TM6SF1: variants seen among roughly 807,000 people sequenced by gnomAD.
TM6SF1 encodes transmembrane 6 superfamily member 1.
Under a neutral mutation model 47.1 loss-of-function variants are expected in TM6SF1, and 43 were observed. That is an observed-to-expected ratio of 0.91 (90% CI 0.72 to 1.18). TM6SF1 has a LOEUF of 1.18. TM6SF1 is among the 50% of genes most tolerant of loss of function. The pLI is 0.00. For missense variants in TM6SF1, 390 were observed against 449.0 expected, an observed-to-expected ratio of 0.87 and a Z score of 1.19; for synonymous variants, 177 against 166.3, an observed-to-expected ratio of 1.06 and a Z score of -0.49.
intron 1 of TM6SF1, among the ~76,000 whole-genome samples, chr15:83,108,828 C>G (rs995888682): frequency 6.6e-6 from 1 of 152,236 alleles, no homozygotes; most frequent in African/African-American, 2.4e-5. Flanking sequence ...CCGCCTGATA[C>G]AGGCAGCACC....
chr15:83,109,679 T>C (rs1026952980), intron 1 of TM6SF1, among the ~76,000 whole-genome samples: 1 of 152,144 alleles, frequency 6.6e-6, no homozygotes. Flanking sequence ...TGGCAAAGGC[T>C]CCGGTGCAAG....
intron 4 of TM6SF1, among the ~76,000 whole-genome samples, chr15:83,121,157 G>A (rs571386762): frequency 2.0e-5 from 3 of 151,462 alleles, no homozygotes; most frequent in East Asian, 2.0e-4. Flanking sequence ...TGTAACCTCT[G>A]CCTCCCAGGT....
chr15:83,124,144 T>C (rs1168851461), intron 6 of TM6SF1, among the ~76,000 whole-genome samples: 1 of 152,140 alleles, frequency 6.6e-6, no homozygotes, highest in African/African-American at 2.4e-5. Context: ...TTGAGAAAAT[T>C]TTTAAACATG....
In TM6SF1 at chr15:83,112,864, G is replaced by A. The variant is rs145491081; in HGVS notation, c.160G>A (p.Val54Ile). The change falls in exon 2 of 10, where the codon GTC (valine) becomes ATC (isoleucine). Residue 54 changes from valine to isoleucine, a missense_variant. Coordinates refer to ENST00000322019, the MANE Select transcript of TM6SF1 (RefSeq NM_023003.5). Reference sequence around the variant, plus strand: ...GGTAGCACTGCTGGCTCGTGTCCTCGTCAAAAGAAAACCACCCCGGGACCC... The same window carrying A: ...GGTAGCACTGCTGGCTCGTGTCCTCATCAAAAGAAAACCACCCCGGGACCC... ...FLVALLARVL[V>I]KRKPPRDPLF... is the part of the protein sequence containing the mutation. The A allele has an allele frequency of 1.9e-5, 31 of 1,613,954 alleles. No homozygotes were observed. The highest frequency in any genetic ancestry group is 8.9e-5 in the East Asian group (4 of 44,888).
chr15:83,120,507 C>A (rs1050221038), intron 4 of TM6SF1, among the ~76,000 whole-genome samples: 1 of 152,106 alleles, frequency 6.6e-6, no homozygotes, highest in African/African-American at 2.4e-5. Flanking sequence ...TGCATTCTTG[C>A]CCCATACAAG....
In TM6SF1 at chr15:83,107,892, TGGCCGCAGGG is replaced by T. The variant is rs1842600922; in HGVS notation, c.92+122_92+131del. 3.8e-6 allele frequency: 5 copies of T among 1,320,498 alleles called. 1 individual carries two copies. The highest frequency in any genetic ancestry group is 4.8e-6 in the Non-Finnish European group (5 of 1,033,760). The allele number at this position is 1,320,498 out of a possible 1,614,324, so 81.8% of individuals were successfully genotyped here. A position where few individuals can be genotyped will look rare whatever the true frequency, so the allele number is the denominator to read the frequency against. ...CCGTCCGCCGCGGGACAGAGGTTCG[TGGCCGCAGGG>T]GCTCCCCGCGCCTGGCCAGACTAGG... On this transcript the variant is annotated intron_variant, in intron 1 of 9. Coordinates refer to ENST00000322019, the MANE Select transcript of TM6SF1 (RefSeq NM_023003.5). The surrounding 1 kb of genome is among the most constrained non-coding windows in gnomAD (Gnocchi z 5.6).
chr15:83,127,097 G>A (rs2151376176), intron 8 of TM6SF1, among the ~76,000 whole-genome samples: 1 of 152,180 alleles, frequency 6.6e-6, no homozygotes, highest in South Asian at 2.1e-4. Context: ...AGGAGGCTGA[G>A]GCAGGAGAAT....
rs8041022 is a variant in TM6SF1 at position 83,113,313 on chromosome 15, C to T, written c.196+413C>T. The T allele has an allele frequency of 2.2e-3, 464 of 207,476 alleles. 1 individual carries two copies. The highest frequency in any genetic ancestry group is 9.5e-3 in the African/African-American group (418 of 43,984). 12.9% of individuals were successfully genotyped at this position (207,476 alleles called of 1,614,324 possible). Reference sequence around the variant, plus strand: ...ATGCATGAAGAGGAAAATAATGGAACCTGCCATAGAGACAAGCACCTATAG... The same window carrying T: ...ATGCATGAAGAGGAAAATAATGGAATCTGCCATAGAGACAAGCACCTATAG... On this transcript the variant is annotated intron_variant, in intron 2 of 9. Transcript: ENST00000322019.
Position 83,127,285 on chromosome 15 carries a change from C to T in TM6SF1, c.802-73C>T, listed in dbSNP as rs577289814. ...ATATTTTCAAAGATGAAAATGTTTA[C>T]TTTTTTGTACTTTTTAGTCAGGCCA... On this transcript the variant is annotated intron_variant, in intron 8 of 9. Coordinates refer to ENST00000322019, the MANE Select transcript of TM6SF1 (RefSeq NM_023003.5). 17 of 1,410,012 alleles carry T rather than the reference C, an allele frequency of 1.2e-5. No individual in the cohort carries two copies. In the Admixed American group the frequency reaches 3.0e-4, roughly 25 times the overall value. 87.3% of individuals were successfully genotyped at this position (1,410,012 alleles called of 1,614,324 possible).
intron 5 of TM6SF1, among the ~76,000 whole-genome samples, chr15:83,122,288 A>G (rs1431699078): frequency 6.6e-6 from 1 of 152,182 alleles, no homozygotes; most frequent in Admixed American, 6.5e-5. Context: ...TTATGGCTAT[A>G]TTTAGTGTGC....
In TM6SF1 at chr15:83,119,698, G is replaced by T; in HGVS notation, c.398+17G>T. On this transcript the variant is annotated intron_variant, in intron 4 of 9. Coordinates refer to ENST00000322019, the MANE Select transcript of TM6SF1 (RefSeq NM_023003.5). ...AGCATGGGAGTAAGTCAGTTCACCT[G>T]GTGTGTGCCTTTGCCACCTTAGCAA... 1 of 1,613,656 alleles carries T rather than the reference G, an allele frequency of 6.2e-7. No individual in the cohort carries two copies. The highest frequency in any genetic ancestry group is 8.5e-7 in the Non-Finnish European group (1 of 1,179,800).
chr15:83,124,238 T>C (rs1217968915), intron 6 of TM6SF1, among the ~76,000 whole-genome samples: 1 of 152,212 alleles, frequency 6.6e-6, no homozygotes, highest in Non-Finnish European at 1.5e-5. Context: ...TAATTTTATA[T>C]ATAAAATTGT....
chr15:83,119,139 G>A (rs2151354870), intron 3 of TM6SF1, among the ~76,000 whole-genome samples: 1 of 152,246 alleles, frequency 6.6e-6, no homozygotes, highest in East Asian at 1.9e-4. Flanking sequence ...GCCATGCCCA[G>A]CCCAGCAAGC....
chr15:83,111,492 C>T (rs771424185), intron 1 of TM6SF1: 3 of 320,402 alleles, frequency 9.4e-6, no homozygotes, highest in Non-Finnish European at 1.3e-5. Flanking sequence ...ATTCACCCAT[C>T]ATCCATCCAT....
chr15:83,120,396 G>A (rs1281953276), intron 4 of TM6SF1, among the ~76,000 whole-genome samples: 1 of 152,108 alleles, frequency 6.6e-6, no homozygotes, highest in East Asian at 1.9e-4. Flanking sequence ...TGGGGCCCCT[G>A]TAACCCAGAA....
intron 3 of TM6SF1, among the ~76,000 whole-genome samples, chr15:83,117,559 A>G (rs2034786052): frequency 6.6e-6 from 1 of 152,146 alleles, no homozygotes; most frequent in South Asian, 2.1e-4. Context: ...CATGGAGCCC[A>G]GAGGAGGGAG....
At chr15:83,110,051 C>T (rs1056897730) in intron 1 of TM6SF1, among the ~76,000 whole-genome samples, 1 of 152,294 alleles carries the variant, frequency 6.6e-6, no homozygotes, top group East Asian at 1.9e-4. Context: ...AGGCCAGCGC[C>T]GTGTGCATCG....
intron 3 of TM6SF1, among the ~76,000 whole-genome samples, chr15:83,116,675 G>T (rs554612337): frequency 6.6e-6 from 1 of 152,350 alleles, no homozygotes; most frequent in Admixed American, 6.5e-5. Context: ...ATGAGCTGGG[G>T]CACCAGTCAG....
chr15:83,108,479 A>G (rs192762591), intron 1 of TM6SF1, among the ~76,000 whole-genome samples: 2 of 151,926 alleles, frequency 1.3e-5, no homozygotes, highest in Admixed American at 1.3e-4. Flanking sequence ...CAGGCAGCAG[A>G]GGCAGAACAC....
Sources: gnomAD v4.1 joint callset for allele counts (sites outside exome capture counted in the v4.1 genomes callset) on GRCh38, gnomAD v4.1.1 for gene constraint, Gnocchi (gnomAD v3.1) non-coding constraint, MANE v1.5 for transcripts, NCBI Gene and HGNC (gene_info 2026-07-23, HGNC 2026-07-21) for gene names.